Variants in RAB7A observed in about 807,000 individuals in gnomAD.
The protein encoded by RAB7A is ras-related protein Rab-7a.
RAB7A carries 2 observed loss-of-function variants against 24.5 expected under a neutral mutation model. That is an observed-to-expected ratio of 0.08 (90% CI 0.03 to 0.26). The LOEUF (loss-of-function observed/expected upper bound fraction) is 0.26. RAB7A is among the 10% of genes least tolerant of loss of function. The pLI, the probability that RAB7A is intolerant of heterozygous loss-of-function variation, is 1.00. For missense variants in RAB7A, 118 were observed against 255.7 expected (o/e 0.46, Z 3.67); for synonymous variants, 100 against 95.9 (o/e 1.04, Z -0.25).
At chr3:128,727,249 G>T (rs2070389636) in intron 1 of RAB7A, among the ~76,000 whole-genome samples, 1 of 152,220 alleles carries the variant, frequency 6.6e-6, no homozygotes, top group Admixed American at 6.5e-5. Context: ...TTAACACAGT[G>T]GGAAGTTGAA....
intron 1 of RAB7A, among the ~76,000 whole-genome samples, chr3:128,774,861 C>T (rs931803411): frequency 2.4e-4 from 37 of 151,968 alleles, no homozygotes; most frequent in Admixed American, 7.2e-4. Context: ...CTTGAGCCAC[C>T]GCACCTGGCC....
At chr3:128,778,943 C>T (rs987722454) in intron 1 of RAB7A, among the ~76,000 whole-genome samples, 3 of 152,148 alleles carry the variant, frequency 2.0e-5, no homozygotes, top group African/African-American at 2.4e-5. Flanking sequence ...AAGAACTACA[C>T]AGAGACAGAA....
At chr3:128,800,265 C>T (rs1477220073) in intron 3 of RAB7A, among the ~76,000 whole-genome samples, 2 of 152,214 alleles carry the variant, frequency 1.3e-5, no homozygotes, top group Admixed American at 1.3e-4. Flanking sequence ...AGAATTACTT[C>T]AGGGAGCTGG....
intron 1 of RAB7A, among the ~76,000 whole-genome samples, chr3:128,726,766 C>T (rs2070384766): frequency 6.6e-6 from 1 of 152,200 alleles, no homozygotes; most frequent in Admixed American, 6.5e-5. Flanking sequence ...ACCCGGCGGG[C>T]ATGGGTCACA....
chr3:128,764,085 G>A (rs928050539), intron 1 of RAB7A, among the ~76,000 whole-genome samples: 11 of 152,062 alleles, frequency 7.2e-5, no homozygotes, highest in African/African-American at 2.7e-4. Flanking sequence ...TCAAAAGGGA[G>A]GACATGAGAA....
intron 5 of RAB7A, 83 bp downstream of exon 5, chr3:128,807,754 T>A: frequency 6.3e-7 from 1 of 1,588,416 alleles, no homozygotes; most frequent in Non-Finnish European, 8.6e-7. Flanking sequence ...GCCCTTAATC[T>A]TCTTCCCTAA....
chr3:128,769,453 A>G (rs1576286402), intron 1 of RAB7A, among the ~76,000 whole-genome samples: 1 of 152,110 alleles, frequency 6.6e-6, no homozygotes, highest in Admixed American at 6.5e-5. Flanking sequence ...CATCTATTAG[A>G]TCTTTTGCCC....
intron 1 of RAB7A, chr3:128,785,467 G>T (rs1021125738): frequency 6.6e-6 from 1 of 151,854 alleles, no homozygotes; most frequent in Non-Finnish European, 1.5e-5. Flanking sequence ...AAAATTAAAA[G>T]AATTTTTTAG....
intron 1 of RAB7A, among the ~76,000 whole-genome samples, chr3:128,731,622 CT>C (rs1268534478): frequency 2.6e-5 from 4 of 152,174 alleles, no homozygotes; most frequent in African/African-American, 9.7e-5. Flanking sequence ...TCTAGGTCTG[CT>C]AACTCAGTTC....
chr3:128,764,973 C>T (rs1194992695), intron 1 of RAB7A: 1 of 1,596,188 alleles, frequency 6.3e-7, no homozygotes, highest in Non-Finnish European at 8.5e-7. Flanking sequence ...CCTCTGAGTC[C>T]TGGTGGTAGT....
chr3:128,751,631 G>A (rs566565949), intron 1 of RAB7A, among the ~76,000 whole-genome samples: 2 of 152,306 alleles, frequency 1.3e-5, no homozygotes, highest in South Asian at 2.1e-4. Context: ...GAAGGGACTT[G>A]CCTTGTCTCA....
intron 1 of RAB7A, chr3:128,765,125 A>ACGGG: frequency 1.4e-6 from 1 of 724,652 alleles, no homozygotes; most frequent in Non-Finnish European, 2.5e-6. Flanking sequence ...AGGGCTGGCT[A>ACGGG]CGGGCGGCCG....
In RAB7A at chr3:128,797,359, C is replaced by G. The variant is rs142714087; in HGVS notation, c.54-584C>G. On this transcript the variant is annotated intron_variant, in intron 2 of 5. Coordinates refer to ENST00000265062, the MANE Select transcript of RAB7A (RefSeq NM_004637.6). ...ATCACACAAAAATCACACATTGTCTCTTGCTGAGTTTTCTTACTAGAAAAC... is the reference window on the plus strand; with the variant it reads ...ATCACACAAAAATCACACATTGTCTGTTGCTGAGTTTTCTTACTAGAAAAC... Among the ~76,000 whole-genome samples, 861 of 152,288 alleles carry G rather than the reference C, an allele frequency of 5.7e-3. 3 individuals carry two copies. The highest frequency in any genetic ancestry group is 9.3e-3 in the Non-Finnish European group (635 of 68,020).
intron 1 of RAB7A, among the ~76,000 whole-genome samples, chr3:128,754,207 A>C (rs2070710593): frequency 6.6e-6 from 1 of 152,198 alleles, no homozygotes; most frequent in Non-Finnish European, 1.5e-5. Context: ...CTTATGTATC[A>C]AGAAGTTATT....
chr3:128,730,731 A>G (rs1014646220), intron 1 of RAB7A, among the ~76,000 whole-genome samples: 1 of 152,198 alleles, frequency 6.6e-6, no homozygotes, highest in Non-Finnish European at 1.5e-5. Flanking sequence ...GGAGGAAGAA[A>G]GCTTGGGAGT....
intron 1 of RAB7A, among the ~76,000 whole-genome samples, chr3:128,782,721 T>G (rs954180472): frequency 7.9e-5 from 12 of 151,754 alleles, no homozygotes; most frequent in Non-Finnish European, 1.6e-4. Context: ...ATGTCTTGTA[T>G]AATCTCTCTA....
chr3:128,734,686 C>T (rs1006385956), intron 1 of RAB7A, among the ~76,000 whole-genome samples: 5 of 152,006 alleles, frequency 3.3e-5, no homozygotes, highest in Non-Finnish European at 7.4e-5. Context: ...CACTTGAGCC[C>T]TTAGAATATC....
intron 2 of RAB7A, among the ~76,000 whole-genome samples, chr3:128,795,751 C>CCTTTTTTTTTTT (rs1933554776): frequency 7.0e-5 from 3 of 43,032 alleles, no homozygotes; most frequent in South Asian, 2.1e-3. Context: ...AGCAGATGTG[C>CCTTTTTTTTTTT]TTTTTTTTTT....
At chr3:128,767,448 A>G (rs1576285329) in intron 1 of RAB7A, among the ~76,000 whole-genome samples, 1 of 152,146 alleles carries the variant, frequency 6.6e-6, no homozygotes, top group East Asian at 1.9e-4. Flanking sequence ...AGCAGGCTGG[A>G]GTAGAGTGAA....
Sources: gnomAD v4.1 joint callset for allele counts (sites outside exome capture counted in the v4.1 genomes callset) on GRCh38, gnomAD v4.1.1 for gene constraint, MANE v1.5 for transcripts, NCBI Gene and HGNC (gene_info 2026-07-23, HGNC 2026-07-21) for gene names.